Variants in PCDHA13 observed in about 807,000 individuals in gnomAD.
PCDHA13 encodes the protein protocadherin alpha-13.
A neutral mutation model predicts 64.8 loss-of-function variants in PCDHA13; 54 were observed. The ratio of observed to expected loss-of-function variants is 0.83; its 90% confidence interval spans 0.67 to 1.04. PCDHA13 has a LOEUF of 1.04. PCDHA13 is among the 50% of genes least tolerant of loss of function. The pLI, the probability that PCDHA13 is intolerant of heterozygous loss-of-function variation, is 0.00. For missense variants in PCDHA13, 1,248 were observed against 1,254.3 expected (o/e 0.99, Z 0.08); for synonymous variants, 587 against 564.4 (o/e 1.04, Z -0.57).
intron 3 of PCDHA13, among the ~76,000 whole-genome samples, chr5:140,990,272 C>A (rs568200508): frequency 6.6e-6 from 1 of 152,196 alleles, no homozygotes; most frequent in African/African-American, 2.4e-5. Flanking sequence ...CAATGTACCC[C>A]GGGTCTTGAG....
chr5:140,981,625 C>T (rs1554243036), intron 2 of PCDHA13, among the ~76,000 whole-genome samples: 2 of 152,096 alleles, frequency 1.3e-5, no homozygotes, highest in Non-Finnish European at 2.9e-5. Context: ...TGAGGGTTTT[C>T]TTGGACATTT....
intron 1 of PCDHA13, among the ~76,000 whole-genome samples, chr5:140,947,593 T>C (rs2094149533): frequency 1.3e-5 from 2 of 151,712 alleles, no homozygotes; most frequent in African/African-American, 2.4e-5. Context: ...TAGATCAATT[T>C]AGGGAAGATT....
At chr5:140,954,149 G>A (rs1301810560) in intron 1 of PCDHA13, among the ~76,000 whole-genome samples, 2 of 152,204 alleles carry the variant, frequency 1.3e-5, no homozygotes, top group Non-Finnish European at 2.9e-5. Flanking sequence ...ATTCCATGGT[G>A]TATATGTACC....
intron 1 of PCDHA13, among the ~76,000 whole-genome samples, chr5:140,932,340 C>G (rs1339952181): frequency 6.6e-6 from 1 of 151,864 alleles, no homozygotes; most frequent in Non-Finnish European, 1.5e-5. Flanking sequence ...GCATGAAACA[C>G]TTACCATACA....
chr5:140,928,569 G>A (rs2085338493), intron 1 of PCDHA13: 2 of 1,614,202 alleles, frequency 1.2e-6, no homozygotes, highest in Non-Finnish European at 1.7e-6. Flanking sequence ...TGTTTCCCTT[G>A]CCCAGAAATG....
At chr5:140,986,293 CAG>C (rs1447196504) in intron 3 of PCDHA13, among the ~76,000 whole-genome samples, 2 of 152,124 alleles carry the variant, frequency 1.3e-5, no homozygotes, top group Admixed American at 6.5e-5. Flanking sequence ...TGAGACTGAG[CAG>C]AGAGAGAAAA....
intron 1 of PCDHA13, among the ~76,000 whole-genome samples, chr5:140,942,360 G>A (rs782168150): frequency 4.0e-5 from 6 of 151,816 alleles, no homozygotes; most frequent in Admixed American, 3.3e-4. Context: ...TGCAGTTAAC[G>A]GAGATTGCAC....
intron 1 of PCDHA13, among the ~76,000 whole-genome samples, chr5:140,923,066 C>G (rs1050883797): frequency 6.6e-6 from 1 of 152,198 alleles, no homozygotes; most frequent in African/African-American, 2.4e-5. Flanking sequence ...AGAGCTAGGT[C>G]TCCTCATGTC....
chr5:140,922,358 A>T (rs1273986507), intron 1 of PCDHA13, among the ~76,000 whole-genome samples: 2 of 152,212 alleles, frequency 1.3e-5, no homozygotes, highest in African/African-American at 4.8e-5. Flanking sequence ...TAGAGTAGTG[A>T]TTCTCACTGA....
intron 3 of PCDHA13, chr5:140,989,054 A>G (rs1481333744): frequency 6.6e-6 from 1 of 152,214 alleles, no homozygotes; most frequent in African/African-American, 2.4e-5. Flanking sequence ...TGCCAGCTAC[A>G]TTGAGGCAAT....
intron 1 of PCDHA13, among the ~76,000 whole-genome samples, chr5:140,962,688 G>C (rs1433931568): frequency 2.0e-5 from 3 of 152,164 alleles, no homozygotes; most frequent in African/African-American, 7.2e-5. Context: ...TGTTTTATCT[G>C]TAAATAATGC....
chr5:140,884,439 C>G lies in PCDHA13; in HGVS notation c.2171C>G (p.Ser724Trp), dbSNP rs1554181562. Residue 724 changes from serine (S) to tryptophan (W), a missense_variant, in exon 1 of 4, where the codon TCG (serine) becomes TGG (tryptophan). Ser to Trp is a radical substitution (Grantham distance 177, BLOSUM62 -3). Coordinates refer to ENST00000289272, the MANE Select transcript of PCDHA13 (RefSeq NM_018904.3). ...CTGCTGTATACTGCGCTGCGGTGCT[C>G]GGCACCGCCCACCGAGGGCGCGTGC... ...TLLLYTALRC[S>W]APPTEGACAP... 1.2e-6 allele frequency: 2 copies of G among 1,613,818 alleles called. No individual in the cohort carries two copies. The highest frequency in any genetic ancestry group is 2.2e-5 in the East Asian group (1 of 44,868).
At chr5:140,925,142 C>G (rs2082353538) in intron 1 of PCDHA13, among the ~76,000 whole-genome samples, 1 of 151,570 alleles carries the variant, frequency 6.6e-6, no homozygotes, top group African/African-American at 2.4e-5. Context: ...TTCAAACATA[C>G]ACAAAAGTTG....
At chr5:140,981,169 C>T (rs2096920797) in intron 2 of PCDHA13, among the ~76,000 whole-genome samples, 1 of 152,170 alleles carries the variant, frequency 6.6e-6, no homozygotes, top group Admixed American at 6.5e-5. Context: ...GTTGCCTTCC[C>T]TCTAATAGTT....
intron 3 of PCDHA13, among the ~76,000 whole-genome samples, chr5:141,008,259 T>G (rs986818585): frequency 3.3e-5 from 5 of 152,202 alleles, no homozygotes; most frequent in Non-Finnish European, 7.3e-5. Context: ...TAGAGGAGAC[T>G]GAGAAGTAAT....
chr5:140,936,134 C>A (rs782197390), intron 1 of PCDHA13, among the ~76,000 whole-genome samples: 1 of 152,176 alleles, frequency 6.6e-6, no homozygotes, highest in Non-Finnish European at 1.5e-5. Context: ...CTTAAGTGAT[C>A]TGCCCGCCTT....
At position 140,882,529 on chromosome 5, in the gene PCDHA13, T is replaced by G. The variant is rs1277056302; in HGVS notation, c.261T>G (p.Asn87Lys). ...VNLQNGILFVNSRIDREELCG... is the reference protein window; with the variant it reads ...VNLQNGILFVKSRIDREELCG... ...TGCAGAATGGCATTTTGTTTGTGAA[T>G]TCTCGGATCGACCGCGAGGAGCTGT... is the stretch of plus-strand genomic sequence containing the variant. Residue 87 changes from asparagine (N) to lysine (K), a missense_variant, in exon 1 of 4, where the codon AAT (asparagine) becomes AAG (lysine). Transcript: ENST00000289272. The G allele has an allele frequency of 6.2e-7, 1 of 1,614,074 alleles. No homozygotes were observed. Among genetic ancestry groups the G allele is most frequent in the Non-Finnish European group, 8.5e-7 (1 of 1,180,038 alleles).
intron 1 of PCDHA13, chr5:140,966,476 C>T (rs1326063829): frequency 1.8e-5 from 8 of 432,854 alleles, no homozygotes; most frequent in Non-Finnish European, 2.8e-5. Flanking sequence ...CTTCTGTTTC[C>T]TTTTCCCTCC....
intron 1 of PCDHA13, chr5:140,967,461 G>A (rs782466677): frequency 6.8e-6 from 11 of 1,613,572 alleles, no homozygotes; most frequent in Non-Finnish European, 8.5e-6. Context: ...GCCGTGGATG[G>A]GGGCATCCCA....
Sources: allele counts gnomAD v4.1 joint callset (sites outside exome capture counted in the v4.1 genomes callset), GRCh38; gene constraint gnomAD v4.1.1; transcripts MANE v1.5; gene names NCBI Gene and HGNC (gene_info 2026-07-23, HGNC 2026-07-21).